Variants in FOXA1 observed in about 807,000 individuals in gnomAD.
FOXA1 encodes hepatocyte nuclear factor 3-alpha.
FOXA1 carries 9 observed loss-of-function variants against 29.2 expected under a neutral mutation model. The ratio of observed to expected loss-of-function variants is 0.31; its 90% CI spans 0.19 to 0.54. The LOEUF is 0.54. Among genes scored for constraint, FOXA1 ranks in the 20% least tolerant of loss-of-function variants. FOXA1 has a pLI of 0.95. For synonymous variants in FOXA1, 340 were observed against 300.9 expected (o/e 1.13, Z -1.34); for missense variants, 644 against 681.2 (o/e 0.95, Z 0.61).
intron 1 of FOXA1, 68 bp downstream of exon 1, chr14:37,594,833 T>TCCCCGGCCTC: frequency 7.5e-7 from 1 of 1,339,524 alleles, no homozygotes; most frequent in Non-Finnish European, 9.9e-7. Context: ...CGCCCACCGC[T>TCCCCGGCCTC]CCCCGGCCTC....
At chr14:37,592,739 C>T (rs1258182578) in intron 1 of FOXA1, 28 bp from the exon 2 acceptor site, 1 of 1,605,730 alleles carries the variant, frequency 6.2e-7, no homozygotes, top group African/African-American at 1.3e-5. Context: ...AGTGAAGAAG[C>T]CCCGGAGGGC....
At position 37,595,152 on chromosome 14, in the gene FOXA1, G is replaced by A. The variant is rs1487545056; in HGVS notation, c.-180C>T. The A allele has an allele frequency of 5.2e-6, 1 of 192,224 alleles. No homozygotes were observed. The highest frequency in any genetic ancestry group is 2.4e-5 in the African/African-American group (1 of 41,624). The allele number at this position is 192,224 out of a possible 1,614,324, so 11.9% of individuals were successfully genotyped here. A position where few individuals can be genotyped will look rare whatever the true frequency, so the allele number is the denominator to read the frequency against. ...GCGGGGCGCGGCGTGCGCGGCGGCG[G>A]CGGCGGCGCGGCGGGCGGGGGCAGC... On this transcript the variant is annotated 5_prime_UTR_variant, in exon 1 of 2. Transcript: ENST00000250448.
At chr14:37,592,837 C>A (rs1455963533) in intron 1 of FOXA1, 126 bp from the exon 2 acceptor site, 6 of 1,174,434 alleles carry the variant, frequency 5.1e-6, no homozygotes, top group East Asian at 2.4e-5. Context: ...GGGACGCCCC[C>A]ACCCGGGGCA....
At chr14:37,594,818 C>T in intron 1 of FOXA1, 83 bp downstream of exon 1, 9 of 1,211,104 alleles carry the variant, frequency 7.4e-6, no homozygotes, top group Non-Finnish European at 8.7e-6. Context: ...GCCTGCCTTG[C>T]CTGGCGCCCA....
rs2095594331 is a variant in FOXA1 at position 37,590,165 on chromosome 14, TAAAGAA to T, written c.*1194_*1199del. 1 of 231,526 alleles carries T rather than the reference TAAAGAA, an allele frequency of 4.3e-6. No individual in the cohort carries two copies. The highest frequency in any genetic ancestry group is 8.5e-6 in the Non-Finnish European group (1 of 116,996). 14.3% of individuals were successfully genotyped at this position (231,526 alleles called of 1,614,324 possible). ...CCATCATTTAAAGCAATTTCAGCTG[TAAAGAA>T]AAAGAATAAACCATGCAATAAATTA... is the stretch of plus-strand genomic sequence containing the variant. On this transcript the variant is annotated 3_prime_UTR_variant, in exon 2 of 2. Transcript: ENST00000250448.
chr14:37,591,298 T>C lies in FOXA1; in HGVS notation c.*67A>G. 1.3e-6 allele frequency: 2 copies of C among 1,587,444 alleles called. No individual in the cohort carries two copies. The highest frequency in any genetic ancestry group is 1.7e-6 in the Non-Finnish European group (2 of 1,166,154). On this transcript the variant is annotated 3_prime_UTR_variant, in exon 2 of 2. Transcript: ENST00000250448. The stretch of plus-strand genomic sequence containing the variant: ...GACGGTTTGGTTTGTGTGGTTTTGT[T>C]TGCTGTTGATTTTTTCTCTCTTGCT...
At position 37,590,080 on chromosome 14, in the gene FOXA1, C is replaced by A. The variant is rs1302794086; in HGVS notation, c.*1285G>T. The A allele has an allele frequency of 1.3e-5, 3 of 231,434 alleles. No homozygotes were observed. Among genetic ancestry groups the A allele is most frequent in the Non-Finnish European group, 2.6e-5 (3 of 117,162 alleles). The allele number at this position is 231,434 out of a possible 1,614,324, so 14.3% of individuals were successfully genotyped here. On this transcript the variant is annotated 3_prime_UTR_variant, in exon 2 of 2. Coordinates refer to ENST00000250448, the MANE Select transcript of FOXA1 (RefSeq NM_004496.5). ...CTGGTATTATTTTTGTTATTTAAAT[C>A]AAAATATTTTTAATTACAATCACAT...
Position 37,591,820 on chromosome 14 carries a change from C to T in FOXA1, c.964G>A (p.Gly322Ser). Residue 322 changes from glycine (G) to serine (S), a missense_variant, in exon 2 of 2, where the codon GGC (glycine) becomes AGC (serine). Gly to Ser is a moderately conservative substitution (Grantham distance 56). Coordinates refer to ENST00000250448, the MANE Select transcript of FOXA1 (RefSeq NM_004496.5). ...GVHGKTGQLEGAPAPGPAASP... is the reference protein window; with the variant it reads ...GVHGKTGQLESAPAPGPAASP... ...GCGGCGGGCCCGGGGGCCGGCGCGC[C>T]CTCTAGCTGGCCGGTCTTCCCGTGC... 1 of 1,457,506 alleles carries T rather than the reference C, an allele frequency of 6.9e-7. No homozygotes were observed. The highest frequency in any genetic ancestry group is 9.0e-7 in the Non-Finnish European group (1 of 1,109,640). 90.3% of individuals were successfully genotyped at this position (1,457,506 alleles called of 1,614,324 possible). A position where few individuals can be genotyped will look rare whatever the true frequency, so the allele number is the denominator to read the frequency against.
Position 37,590,119 on chromosome 14 carries a change from CAATTT to C in FOXA1, c.*1241_*1245del. The C allele has an allele frequency of 4.3e-6, 1 of 231,586 alleles. No individual in the cohort carries two copies. The highest frequency in any genetic ancestry group is 8.5e-6 in the Non-Finnish European group (1 of 117,116). 14.3% of individuals were successfully genotyped at this position (231,586 alleles called of 1,614,324 possible). ...TTACAATCACATTGATAAAAATTAACAATTTAATTTGTAATTTTAACCATCATTTA... is the reference window on the plus strand; with the variant it reads ...TTACAATCACATTGATAAAAATTAACAATTTGTAATTTTAACCATCATTTA... On this transcript the variant is annotated 3_prime_UTR_variant, in exon 2 of 2. Coordinates refer to ENST00000250448, the MANE Select transcript of FOXA1 (RefSeq NM_004496.5).
In FOXA1 at chr14:37,592,667, G is replaced by C. The variant is rs1316539891; in HGVS notation, c.117C>G (p.Gly39=). Reference sequence around the variant, plus strand: ...TGTAGGTGTTCATGGAGTTCATGGAGCCCAGGCCTGAGTTCATGTTGCTGA... The same window carrying C: ...TGTAGGTGTTCATGGAGTTCATGGACCCCAGGCCTGAGTTCATGTTGCTGA... ...VPVSNMNSGL[G]SMNSMNTYMT... The change falls in exon 2 of 2, where the codon GGC becomes GGG. Residue 39 remains glycine, a synonymous_variant. Coordinates refer to ENST00000250448, the MANE Select transcript of FOXA1 (RefSeq NM_004496.5). The C allele has an allele frequency of 6.2e-7, 1 of 1,614,000 alleles. No individual in the cohort carries two copies. Among genetic ancestry groups the C allele is most frequent in the Non-Finnish European group, 8.5e-7 (1 of 1,180,052 alleles).
In FOXA1 at chr14:37,594,905, T is replaced by C; in HGVS notation, c.68A>G (p.Gln23Arg). ...CCGCCTCGCCTTGCCTCTCACCTCCTGCGTGTCTGCGTAGTAGCTGTTCCA... is the reference window on the plus strand; with the variant it reads ...CCGCCTCGCCTTGCCTCTCACCTCCCGCGTGTCTGCGTAGTAGCTGTTCCA... ...SDWNSYYADT[Q>R]EAYSSVPVSN... The change falls in exon 1 of 2, where the codon CAG becomes CGG. Residue 23 changes from glutamine (Q) to arginine (R), a missense_variant. Gln to Arg is a conservative substitution (Grantham distance 43, BLOSUM62 1). Around this residue, in one of 5 missense-constraint regions of FOXA1, gnomAD observed 309 missense variants for 307.0 expected, o/e 1.01. Coordinates refer to ENST00000250448, the MANE Select transcript of FOXA1 (RefSeq NM_004496.5). 1 of 1,569,652 alleles carries C rather than the reference T, an allele frequency of 6.4e-7. No homozygotes were observed. The highest frequency in any genetic ancestry group is 1.1e-5 in the South Asian group (1 of 88,780).
chr14:37,591,282 G>T lies in FOXA1; in HGVS notation c.*83C>A. The T allele has an allele frequency of 6.5e-7, 1 of 1,531,278 alleles. No individual in the cohort carries two copies. The highest frequency in any genetic ancestry group is 8.9e-7 in the Non-Finnish European group (1 of 1,118,008). The allele number at this position is 1,531,278 out of a possible 1,614,324, so 94.9% of individuals were successfully genotyped here. On this transcript the variant is annotated 3_prime_UTR_variant, in exon 2 of 2. Transcript: ENST00000250448. ...ATTTTATTATGCTGTTGACGGTTTG[G>T]TTTGTGTGGTTTTGTTTGCTGTTGA...
chr14:37,591,886 C>G lies in FOXA1; in HGVS notation c.898G>C (p.Ala300Pro). 1 of 1,457,918 alleles carries G rather than the reference C, an allele frequency of 6.9e-7. No homozygotes were observed. Among genetic ancestry groups the G allele is most frequent in the Non-Finnish European group, 9.0e-7 (1 of 1,111,180 alleles). The allele number at this position is 1,457,918 out of a possible 1,614,324, so 90.3% of individuals were successfully genotyped here. Residue 300 changes from alanine (A) to proline (P), a missense_variant, in exon 2 of 2, where the codon GCC becomes CCC. Ala to Pro is a conservative substitution (Grantham distance 27). This residue lies in a region of FOXA1 where 295 missense variants were observed against 294.4 expected (regional missense o/e 1.00). Coordinates refer to ENST00000250448, the MANE Select transcript of FOXA1 (RefSeq NM_004496.5). The part of the protein sequence containing the change: ...GPESRKDPSG[A>P]SNPSADSPLH... ...GGCGAGTCGGCGCTGGGGTTAGAGG[C>G]GCCAGAGGGGTCCTTGCGGCTCTCA...
Position 37,591,291 on chromosome 14 carries a change from G to GTT in FOXA1, c.*72_*73dup. ...TGCTGTTGACGGTTTGGTTTGTGTG[G>GTT]TTTTGTTTGCTGTTGATTTTTTCTC... On this transcript the variant is annotated 3_prime_UTR_variant, in exon 2 of 2. Coordinates refer to ENST00000250448, the MANE Select transcript of FOXA1 (RefSeq NM_004496.5). The GTT allele has an allele frequency of 6.3e-7, 1 of 1,575,188 alleles. No homozygotes were observed. Among genetic ancestry groups the GTT allele is most frequent in the African/African-American group, 1.3e-5 (1 of 74,462 alleles).
chr14:37,591,759 G>C lies in FOXA1; in HGVS notation c.1025C>G (p.Ala342Gly), dbSNP rs35391958. 2.0e-6 allele frequency: 3 copies of C among 1,536,622 alleles called. No homozygotes were observed. The highest frequency in any genetic ancestry group is 2.5e-5 in the South Asian group (2 of 80,752). The change falls in exon 2 of 2, where the codon GCG (alanine) becomes GGG (glycine). Residue 342 changes from alanine (A) to glycine (G), a missense_variant. Transcript: ENST00000250448. ...CTTCAACTCCGAGGCGCCCCCTGTCGCCGTCGCCCCACTGTGGTCCAGAGT... is the reference window on the plus strand; with the variant it reads ...CTTCAACTCCGAGGCGCCCCCTGTCCCCGTCGCCCCACTGTGGTCCAGAGT... Reference protein sequence around the residue: ...PQTLDHSGATATGGASELKTP... With the variant: ...PQTLDHSGATGTGGASELKTP...
intron 1 of FOXA1, chr14:37,594,021 C>G: frequency 8.6e-7 from 1 of 1,157,056 alleles, no homozygotes; most frequent in Non-Finnish European, 1.1e-6. Flanking sequence ...CAGTTACCAT[C>G]AAAATATTAC....
At chr14:37,594,468 G>A in intron 1 of FOXA1, 5 of 747,404 alleles carry the variant, frequency 6.7e-6, no homozygotes, top group Non-Finnish European at 8.2e-6. Flanking sequence ...GCGGCAGAGC[G>A]CTTTAATCAG....
chr14:37,591,923 G>C lies in FOXA1; in HGVS notation c.861C>G (p.Ala287=), dbSNP rs2139181323. The C allele has an allele frequency of 6.7e-7, 1 of 1,486,116 alleles. No individual in the cohort carries two copies. Among genetic ancestry groups the C allele is most frequent in the Non-Finnish European group, 8.9e-7 (1 of 1,122,316 alleles). 92.1% of individuals were successfully genotyped at this position (1,486,116 alleles called of 1,614,324 possible). A position where few individuals can be genotyped will look rare whatever the true frequency, so the allele number is the denominator to read the frequency against. The change falls in exon 2 of 2, where the codon GCC becomes GCG. Residue 287 remains alanine, a synonymous_variant. Coordinates refer to ENST00000250448, the MANE Select transcript of FOXA1 (RefSeq NM_004496.5). Reference sequence around the variant, plus strand: ...CCTTGCGGCTCTCAGGGCCGCCCTTGGCGCCGCTGCCCCCGCTTCCGCTCC... The same window carrying C: ...CCTTGCGGCTCTCAGGGCCGCCCTTCGCGCCGCTGCCCCCGCTTCCGCTCC... ...GGGSGSGGSG[A]KGGPESRKDP... is the part of the protein sequence containing the mutation.
rs1161579825 is a variant in FOXA1 at position 37,595,043 on chromosome 14, C to T, written c.-71G>A. The T allele has an allele frequency of 6.3e-6, 9 of 1,430,238 alleles. No individual in the cohort carries two copies. The highest frequency in any genetic ancestry group is 2.7e-5 in the East Asian group (1 of 37,680). 88.6% of individuals were successfully genotyped at this position (1,430,238 alleles called of 1,614,324 possible). ...CGACGGGCGGCCGCGCGGCGCGGGG[C>T]GGGGGAGGGGAGCTGAGCAGCTGCA... On this transcript the variant is annotated 5_prime_UTR_variant, in exon 1 of 2. Transcript: ENST00000250448.
Sources: allele counts gnomAD v4.1 joint callset, GRCh38; gene constraint gnomAD v4.1.1; regional missense constraint gnomAD v4.1.1; transcripts MANE v1.5; gene names NCBI Gene and HGNC (gene_info 2026-07-23, HGNC 2026-07-21).